Variants in ARHGAP6 observed in about 807,000 individuals in gnomAD.
ARHGAP6 encodes Rho GTPase activating protein 6.
Under a neutral mutation model 55.7 loss-of-function variants are expected in ARHGAP6, and 16 were observed. The ratio of observed to expected loss-of-function variants is 0.29; its 90% CI spans 0.19 to 0.44. ARHGAP6 has a LOEUF of 0.44. ARHGAP6 is among the 20% of genes least tolerant of loss of function. The pLI, the probability that ARHGAP6 is intolerant of heterozygous loss-of-function variation, is 1.00. For synonymous variants in ARHGAP6, 382 were observed against 360.9 expected, an observed-to-expected ratio of 1.06 and a Z score of -0.66; for missense variants, 698 against 808.9, an observed-to-expected ratio of 0.86 and a Z score of 1.66.
At chrX:11,255,102 T>C (rs935643413) in intron 1 of ARHGAP6, among the ~76,000 whole-genome samples, 4 of 111,885 alleles carry the variant, frequency 3.6e-5, no homozygotes, top group African/African-American at 1.3e-4. Context: ...ATGGAGAGCC[T>C]ACCATGTGCC....
At chrX:11,384,862 T>C (rs999306191) in intron 1 of ARHGAP6, among the ~76,000 whole-genome samples, 21 of 111,545 alleles carry the variant, frequency 1.9e-4, no homozygotes, top group African/African-American at 6.5e-4. Context: ...CTGGACACTT[T>C]CCTGGTTTTA....
intron 1 of ARHGAP6, among the ~76,000 whole-genome samples, chrX:11,640,206 C>T (rs1263100990): frequency 1.8e-5 from 2 of 111,553 alleles, no homozygotes; most frequent in Non-Finnish European, 3.8e-5. Context: ...CTACTTCACC[C>T]TCACTGCTCT....
intron 10 of ARHGAP6, chrX:11,148,711 G>C: frequency 2.7e-6 from 1 of 374,276 alleles, no homozygotes; most frequent in Non-Finnish European, 5.2e-6. Context: ...CGGAAGCACA[G>C]AACTTGTTCT....
intron 1 of ARHGAP6, among the ~76,000 whole-genome samples, chrX:11,652,616 A>G (rs1474316015): frequency 8.9e-6 from 1 of 112,396 alleles, no homozygotes; most frequent in Non-Finnish European, 1.9e-5. Context: ...GTACTTCCCT[A>G]GCAACAATAA....
At chrX:11,623,002 A>G (rs1296756275) in intron 1 of ARHGAP6, among the ~76,000 whole-genome samples, 1 of 111,945 alleles carries the variant, frequency 8.9e-6, no homozygotes, top group Non-Finnish European at 1.9e-5. Context: ...TGAGATCTGG[A>G]AAAAGAAGGA....
At chrX:11,619,433 T>C (rs1452423011) in intron 1 of ARHGAP6, among the ~76,000 whole-genome samples, 3 of 112,467 alleles carry the variant, frequency 2.7e-5, no homozygotes, top group Middle Eastern at 4.6e-3. Context: ...AATTTCATTT[T>C]TGTTAATGTA....
chrX:11,601,225 G>T (rs1197045920), intron 1 of ARHGAP6, among the ~76,000 whole-genome samples: 3 of 111,518 alleles, frequency 2.7e-5, no homozygotes, highest in Middle Eastern at 4.6e-3. Context: ...GGAGGGGTGT[G>T]GGAGAGGGAC....
Position 11,138,444 on chromosome X carries a change from G to A in ARHGAP6, c.*419C>T, listed in dbSNP as rs1420241842. The A allele has an allele frequency of 7.3e-6, 1 of 136,307 alleles. No homozygotes were observed. The highest frequency in any genetic ancestry group is 3.2e-5 in the African/African-American group (1 of 30,819). 11.2% of individuals were successfully genotyped at this position (136,307 alleles called of 1,213,427 possible). Reference sequence around the variant, plus strand: ...TATCTCATTGCTTAATATAAGTGAAGTGATTTTTTTTTTAAAAGTTCCTTT... The same window carrying A: ...TATCTCATTGCTTAATATAAGTGAAATGATTTTTTTTTTAAAAGTTCCTTT... On this transcript the variant is annotated 3_prime_UTR_variant, in exon 13 of 13. Transcript: ENST00000337414.
chrX:11,506,304 A>G (rs186919361), intron 1 of ARHGAP6, among the ~76,000 whole-genome samples: 15 of 111,206 alleles, frequency 1.3e-4, no homozygotes, highest in African/African-American at 4.9e-4. Context: ...GTTTTGTTAC[A>G]TAGGTATACA....
intron 5 of ARHGAP6, among the ~76,000 whole-genome samples, chrX:11,184,173 A>G (rs1177746102): frequency 8.9e-6 from 1 of 112,312 alleles, no homozygotes; most frequent in African/African-American, 3.2e-5. Context: ...CACTTTGCTT[A>G]ATCTAGTTTT....
chrX:11,473,444 G>T (rs922153780), intron 1 of ARHGAP6, among the ~76,000 whole-genome samples: 1 of 111,548 alleles, frequency 9.0e-6, no homozygotes, highest in Non-Finnish European at 1.9e-5. Context: ...GATTCGGGAG[G>T]GCCCTAAATT....
chrX:11,318,072 A>T (rs945789885), intron 1 of ARHGAP6, among the ~76,000 whole-genome samples: 2 of 112,421 alleles, frequency 1.8e-5, no homozygotes, highest in Non-Finnish European at 3.8e-5. Flanking sequence ...CCTTCTCCAT[A>T]AATGGAAATT....
At chrX:11,552,499 A>C (rs905981973) in intron 1 of ARHGAP6, among the ~76,000 whole-genome samples, 1 of 93,419 alleles carries the variant, frequency 1.1e-5, no homozygotes, top group African/African-American at 3.9e-5. Flanking sequence ...ACGAGAGCCA[A>C]GATATGGAAT....
At chrX:11,162,591 C>G (rs770233754) in intron 9 of ARHGAP6, among the ~76,000 whole-genome samples, 2 of 110,691 alleles carry the variant, frequency 1.8e-5, no homozygotes, top group Non-Finnish European at 3.8e-5. Context: ...TGATTTCTAC[C>G]CAGTGGATGT....
chrX:11,520,171 A>T (rs1331102490), intron 1 of ARHGAP6, among the ~76,000 whole-genome samples: 1 of 76,891 alleles, frequency 1.3e-5, no homozygotes, highest in African/African-American at 4.8e-5. Flanking sequence ...ATATATATAT[A>T]TATATATTAC....
intron 4 of ARHGAP6, among the ~76,000 whole-genome samples, chrX:11,187,783 C>T (rs777610814): frequency 8.9e-5 from 10 of 112,062 alleles, no homozygotes; most frequent in South Asian, 3.7e-4. Flanking sequence ...TGGCGGCTCA[C>T]GCCTGTGATC....
intron 1 of ARHGAP6, among the ~76,000 whole-genome samples, chrX:11,328,231 A>T (rs2048521304): frequency 8.9e-6 from 1 of 112,097 alleles, no homozygotes; most frequent in Non-Finnish European, 1.9e-5. Context: ...ACATCTGAGC[A>T]TTATTATTCT....
At chrX:11,295,084 A>T (rs953677617) in intron 1 of ARHGAP6, among the ~76,000 whole-genome samples, 5 of 111,596 alleles carry the variant, frequency 4.5e-5, no homozygotes, top group African/African-American at 1.6e-4. Flanking sequence ...TTTTATAAGC[A>T]CCCCAGGAGA....
At chrX:11,280,098 C>A (rs1296915361) in intron 1 of ARHGAP6, among the ~76,000 whole-genome samples, 1 of 111,652 alleles carries the variant, frequency 9.0e-6, no homozygotes, top group Non-Finnish European at 1.9e-5. Flanking sequence ...ACGGCCCCCA[C>A]AGCAAAGAAT....
Sources: gnomAD v4.1 joint callset for allele counts (sites outside exome capture counted in the v4.1 genomes callset) on GRCh38, gnomAD v4.1.1 for gene constraint, MANE v1.5 for transcripts, NCBI Gene and HGNC (gene_info 2026-07-23, HGNC 2026-07-21) for gene names.